Variants in TENM3 observed in about 807,000 individuals in gnomAD.
TENM3 encodes teneurin transmembrane protein 3.
TENM3 carries 63 observed loss-of-function variants against 255.1 expected under a neutral mutation model. The observed-to-expected ratio is 0.25, with a 90% confidence interval of 0.20 to 0.30. TENM3 has a LOEUF of 0.30. Ranked by LOEUF, TENM3 falls within the 10% of genes least tolerant of loss-of-function variation. The pLI is 1.00. For missense variants in TENM3, 2,929 were observed against 3,461.1 expected, an observed-to-expected ratio of 0.85 and a Z score of 3.86; for synonymous variants, 1,306 against 1,322.3, an observed-to-expected ratio of 0.99 and a Z score of 0.27.
chr4:182,039,488 G>A, the TENM3 span, among the ~76,000 whole-genome samples: 1 of 152,154 alleles, frequency 6.6e-6, no homozygotes, highest in East Asian at 1.9e-4. Flanking sequence ...GTAGTGGGAA[G>A]CTTTTTAAAT....
chr4:182,189,535 G>A (rs1579650755), intron 1 of TENM3, among the ~76,000 whole-genome samples: 2 of 152,304 alleles, frequency 1.3e-5, no homozygotes, highest in East Asian at 3.9e-4. Context: ...CTGACCTTGA[G>A]ACAAGAAGAC....
the TENM3 span, among the ~76,000 whole-genome samples, chr4:181,648,722 T>G: frequency 6.6e-6 from 1 of 152,232 alleles, no homozygotes; most frequent in Non-Finnish European, 1.5e-5. Flanking sequence ...GAATTAATTC[T>G]AAACCTGTGT....
intron 3 of TENM3, among the ~76,000 whole-genome samples, chr4:182,393,382 T>A (rs931061086): frequency 6.6e-6 from 1 of 152,086 alleles, no homozygotes; most frequent in Non-Finnish European, 1.5e-5. Flanking sequence ...TAGACATACA[T>A]ACACAGAGAT....
At chr4:182,514,160 C>G (rs1345538721) in intron 3 of TENM3, among the ~76,000 whole-genome samples, 2 of 152,186 alleles carry the variant, frequency 1.3e-5, no homozygotes, top group Non-Finnish European at 2.9e-5. Context: ...CCTTACTACA[C>G]CTCAGAGCTT....
At chr4:182,086,617 T>C in the TENM3 span, among the ~76,000 whole-genome samples, 1 of 152,200 alleles carries the variant, frequency 6.6e-6, no homozygotes, top group African/African-American at 2.4e-5. Flanking sequence ...TTTTTTGCTT[T>C]ATTTCTGGCA....
intron 5 of TENM3, among the ~76,000 whole-genome samples, chr4:182,647,974 G>A (rs13143789): frequency 0.37 from 55,869 of 151,954 alleles, 11,099 homozygotes; most frequent in East Asian, 0.7. Flanking sequence ...TTGTTTAATC[G>A]TATTGCTTTC....
the TENM3 span, among the ~76,000 whole-genome samples, chr4:181,579,856 G>A: frequency 6.6e-6 from 1 of 152,178 alleles, no homozygotes; most frequent in East Asian, 1.9e-4. Flanking sequence ...CTACCCACCT[G>A]GGCTAAGTTC....
the TENM3 span, among the ~76,000 whole-genome samples, chr4:181,947,173 G>T: frequency 6.6e-6 from 1 of 152,116 alleles, no homozygotes; most frequent in Non-Finnish European, 1.5e-5. Flanking sequence ...TACATTGTGG[G>T]AATCACACGA....
Position 182,755,047 on chromosome 4 carries a change from T to C in TENM3, c.4680T>C (p.Asn1560=). 2 of 1,614,028 alleles carry C rather than the reference T, an allele frequency of 1.2e-6. No individual in the cohort carries two copies. The highest frequency in any genetic ancestry group is 1.7e-6 in the Non-Finnish European group (2 of 1,179,892). ...ATATTACTGCTGTGACAGACAGCAA[T>C]GGCAACACCCTTAGAATTAGACGGG... The part of the protein sequence containing the change: ...DNDITAVTDS[N]GNTLRIRRDP... Residue 1560 remains asparagine (N), a synonymous_variant, in exon 22 of 28, where the codon AAT becomes AAC. Coordinates refer to ENST00000511685, the MANE Select transcript of TENM3 (RefSeq NM_001080477.4).
chr4:182,496,630 G>A (rs1487595557), intron 3 of TENM3, among the ~76,000 whole-genome samples: 1 of 152,100 alleles, frequency 6.6e-6, no homozygotes, highest in Non-Finnish European at 1.5e-5. Flanking sequence ...TATTTACTTT[G>A]TTTTCTTTGT....
chr4:181,642,273 C>T, the TENM3 span, among the ~76,000 whole-genome samples: 8 of 151,968 alleles, frequency 5.3e-5, no homozygotes, highest in Admixed American at 2.6e-4. Flanking sequence ...TGTCTTCTTT[C>T]AAGAAGTGTC....
At chr4:182,158,738 T>A (rs1750890831) in intron 1 of TENM3, among the ~76,000 whole-genome samples, 1 of 152,138 alleles carries the variant, frequency 6.6e-6, no homozygotes, top group Non-Finnish European at 1.5e-5. Flanking sequence ...ACAAGGCTCT[T>A]GACCCCCTTA....
At chr4:182,651,621 C>T (rs986834553) in intron 5 of TENM3, among the ~76,000 whole-genome samples, 49 of 152,022 alleles carry the variant, frequency 3.2e-4, no homozygotes, top group African/African-American at 1.1e-3. Context: ...TGCTTGAACC[C>T]GGGAGACAGA....
At chr4:181,956,866 A>G in the TENM3 span, among the ~76,000 whole-genome samples, 14 of 152,346 alleles carry the variant, frequency 9.2e-5, no homozygotes, top group East Asian at 2.5e-3. Flanking sequence ...ACAAATATTT[A>G]TTAATTCAAA....
the TENM3 span, among the ~76,000 whole-genome samples, chr4:182,062,503 A>G: frequency 6.6e-6 from 1 of 152,358 alleles, no homozygotes; most frequent in African/African-American, 2.4e-5. Flanking sequence ...TATGCATGGT[A>G]TTACTTTTAT....
the TENM3 span, among the ~76,000 whole-genome samples, chr4:181,773,305 G>A: frequency 3.3e-5 from 5 of 152,068 alleles, no homozygotes; most frequent in Non-Finnish European, 7.4e-5. Flanking sequence ...CTTGAGATAC[G>A]GTCAATAGCA....
chr4:182,304,459 GCCT>G (rs1762024806), intron 1 of TENM3, among the ~76,000 whole-genome samples: 1 of 152,080 alleles, frequency 6.6e-6, no homozygotes, highest in African/African-American at 2.4e-5. Flanking sequence ...TGATCCACCC[GCCT>G]CGGCCTCCCT....
intron 3 of TENM3, among the ~76,000 whole-genome samples, chr4:182,436,200 G>C (rs755169541): frequency 6.6e-6 from 1 of 152,148 alleles, no homozygotes; most frequent in Non-Finnish European, 1.5e-5. Flanking sequence ...AGTATGGGGA[G>C]TCATGTTAAC....
At chr4:181,721,456 C>T in the TENM3 span, among the ~76,000 whole-genome samples, 8 of 146,726 alleles carry the variant, frequency 5.5e-5, no homozygotes, top group African/African-American at 1.7e-4. Context: ...AAAAATTAGC[C>T]GGGTGTGGTG....
Sources: gnomAD v4.1 joint callset for allele counts (sites outside exome capture counted in the v4.1 genomes callset) on GRCh38, gnomAD v4.1.1 for gene constraint, MANE v1.5 for transcripts, NCBI Gene and HGNC (gene_info 2026-07-23, HGNC 2026-07-21) for gene names.